Variants in BLOC1S5 observed in about 807,000 individuals in gnomAD.
The protein encoded by BLOC1S5 is biogenesis of lysosome-related organelles complex 1 subunit 5.
BLOC1S5 carries 27 observed loss-of-function variants against 24.3 expected under a neutral mutation model. The ratio of observed to expected loss-of-function variants is 1.11; its 90% CI spans 0.82 to 1.53. The LOEUF (loss-of-function observed/expected upper bound fraction) is 1.53. BLOC1S5 is among the 40% of genes most tolerant of loss of function. The pLI is 0.00. For synonymous variants in BLOC1S5, 84 were observed against 74.5 expected, an observed-to-expected ratio of 1.13 and a Z score of -0.66; for missense variants, 239 against 229.4, an observed-to-expected ratio of 1.04 and a Z score of -0.27.
chr6:8,041,124 G>A lies in BLOC1S5; in HGVS notation c.325+15C>T, dbSNP rs779294180. The stretch of plus-strand genomic sequence containing the variant: ...TTTGAAATGAAAAGCAATTAAAAAA[G>A]AATTGCTGACTCACATCTCTGGAGA... On this transcript the variant is annotated intron_variant, in intron 3 of 4. Coordinates refer to ENST00000397457, the MANE Select transcript of BLOC1S5 (RefSeq NM_201280.3). 1 of 1,561,208 alleles carries A rather than the reference G, an allele frequency of 6.4e-7. No homozygotes were observed. The highest frequency in any genetic ancestry group is 2.0e-5 in the Admixed American group (1 of 50,220).
chr6:8,016,315 G>C (rs1762732254), intron 4 of BLOC1S5, among the ~76,000 whole-genome samples: 1 of 146,506 alleles, frequency 6.8e-6, no homozygotes, highest in South Asian at 2.1e-4. Context: ...GACAGAGTGA[G>C]ACTCCGTCTC....
At chr6:8,053,049 C>T (rs2113593420) in intron 2 of BLOC1S5, among the ~76,000 whole-genome samples, 1 of 152,300 alleles carries the variant, frequency 6.6e-6, no homozygotes, top group South Asian at 2.1e-4. Context: ...GGCCAATTAA[C>T]AACCCTACAA....
intron 3 of BLOC1S5, among the ~76,000 whole-genome samples, chr6:8,028,848 A>G (rs948883742): frequency 6.6e-6 from 1 of 152,140 alleles, no homozygotes; most frequent in African/African-American, 2.4e-5. Context: ...ACAATTAGTG[A>G]CACCAAGAAG....
At chr6:8,037,810 A>G (rs1763537305) in intron 3 of BLOC1S5, among the ~76,000 whole-genome samples, 1 of 152,192 alleles carries the variant, frequency 6.6e-6, no homozygotes, top group Admixed American at 6.5e-5. Flanking sequence ...TCAATAACCC[A>G]GATATAAACT....
intron 2 of BLOC1S5, chr6:8,054,135 A>G (rs1200396751): frequency 2.9e-6 from 1 of 348,228 alleles, no homozygotes; most frequent in Admixed American, 4.2e-5. Flanking sequence ...AGCAATATTA[A>G]TATTAGGTGA....
intron 1 of BLOC1S5, 94 bp from the exon 2 acceptor site, chr6:8,062,710 G>A: frequency 3.7e-6 from 3 of 806,344 alleles, no homozygotes; most frequent in Non-Finnish European, 5.8e-6. Flanking sequence ...AAGAGATGAA[G>A]GTTAAAATCC....
chr6:8,025,062 T>C (rs1763060905), intron 4 of BLOC1S5, among the ~76,000 whole-genome samples: 1 of 152,248 alleles, frequency 6.6e-6, no homozygotes, highest in Admixed American at 6.5e-5. Context: ...AAGTTCCTTC[T>C]GCTCAAGGTC....
chr6:8,045,670 G>T (rs1421902268), intron 2 of BLOC1S5, among the ~76,000 whole-genome samples: 1 of 152,236 alleles, frequency 6.6e-6, no homozygotes. Context: ...GCCTGAATGT[G>T]AGACCTGGAG....
chr6:8,046,002 G>A (rs911672139), intron 2 of BLOC1S5, among the ~76,000 whole-genome samples: 33 of 152,266 alleles, frequency 2.2e-4, no homozygotes, highest in Admixed American at 1.5e-3. Flanking sequence ...GAGATTTGGA[G>A]GGGCCAAAGG....
chr6:8,043,276 GTAGAGAAAACTAGCAACATGATAC>G (rs1763754624), intron 2 of BLOC1S5, among the ~76,000 whole-genome samples: 1 of 152,162 alleles, frequency 6.6e-6, no homozygotes, highest in African/African-American at 2.4e-5. Flanking sequence ...TAACATTATA[GTAGAGAAAACTAGCAACATGATAC>G]TAGAGAAAAC....
chr6:8,016,739 ACCTGTGATCCCAGGG>A (rs1762750138), intron 4 of BLOC1S5, among the ~76,000 whole-genome samples: 2 of 151,818 alleles, frequency 1.3e-5, no homozygotes, highest in Admixed American at 1.3e-4. Flanking sequence ...GGTGGCGTGC[ACCTGTGATCCCAGGG>A]CCTGTGATCC....
In BLOC1S5 at chr6:8,014,835, T is replaced by C. The variant is rs1762682589; in HGVS notation, c.*814A>G. 2 of 152,616 alleles carry C rather than the reference T, an allele frequency of 1.3e-5. No homozygotes were observed. Among genetic ancestry groups the C allele is most frequent in the South Asian group, 2.1e-4 (1 of 4,832 alleles). The allele number at this position is 152,616 out of a possible 1,614,324, so 9.5% of individuals were successfully genotyped here. A position where few individuals can be genotyped will look rare whatever the true frequency, so the allele number is the denominator to read the frequency against. ...AAACATGTATAGACATTATTTATCT[T>C]ATAAAGCTTACCCACAGCAAAACAG... On this transcript the variant is annotated 3_prime_UTR_variant, in exon 5 of 5. Transcript: ENST00000397457.
At chr6:8,045,363 C>T (rs12211809) in intron 2 of BLOC1S5, among the ~76,000 whole-genome samples, 23,812 of 152,214 alleles carry the variant, frequency 0.16, 1,942 homozygotes, top group Admixed American at 0.19. Flanking sequence ...AAGTTTGCTG[C>T]AGGAGTGGGG....
intron 2 of BLOC1S5, among the ~76,000 whole-genome samples, chr6:8,056,496 G>A (rs914072579): frequency 6.6e-6 from 1 of 151,962 alleles, no homozygotes; most frequent in Non-Finnish European, 1.5e-5. Context: ...ATAAAACTAT[G>A]CCCCCGCCAC....
intron 4 of BLOC1S5, among the ~76,000 whole-genome samples, chr6:8,021,807 G>A (rs1483089467): frequency 6.6e-6 from 1 of 152,012 alleles, no homozygotes; most frequent in Non-Finnish European, 1.5e-5. Context: ...GAAATCAATT[G>A]CACTCTTCAA....
At chr6:8,053,036 T>A (rs1021237142) in intron 2 of BLOC1S5, among the ~76,000 whole-genome samples, 1 of 152,080 alleles carries the variant, frequency 6.6e-6, no homozygotes, top group South Asian at 2.1e-4. Flanking sequence ...CCTGGTGAAA[T>A]TAGGCCAATT....
At chr6:8,052,903 A>G (rs1417015833) in intron 2 of BLOC1S5, among the ~76,000 whole-genome samples, 1 of 150,612 alleles carries the variant, frequency 6.6e-6, no homozygotes, top group African/African-American at 2.5e-5. Context: ...GTCAAAAAAA[A>G]AAAAAAGAAG....
chr6:8,045,019 G>T (rs2113572330), intron 2 of BLOC1S5, among the ~76,000 whole-genome samples: 1 of 152,356 alleles, frequency 6.6e-6, no homozygotes, highest in Non-Finnish European at 1.5e-5. Context: ...AGACAATGGG[G>T]AAAATGTCTC....
chr6:8,014,633 T>C lies in BLOC1S5; in HGVS notation c.*1016A>G, dbSNP rs534823864. On this transcript the variant is annotated 3_prime_UTR_variant, in exon 5 of 5. Transcript: ENST00000397457. ...TCACAGTGATGACAGAACTGGTACA[T>C]GTTTCATCATAATATACCTGCTTAT... 15 of 152,300 alleles carry C rather than the reference T, an allele frequency of 9.8e-5. No individual in the cohort carries two copies. The highest frequency in any genetic ancestry group is 3.4e-4 in the African/African-American group (14 of 41,558). 9.4% of individuals were successfully genotyped at this position (152,300 alleles called of 1,614,324 possible). A position where few individuals can be genotyped will look rare whatever the true frequency, so the allele number is the denominator to read the frequency against.
Sources: allele counts gnomAD v4.1 joint callset (sites outside exome capture counted in the v4.1 genomes callset), GRCh38; gene constraint gnomAD v4.1.1; transcripts MANE v1.5; gene names NCBI Gene and HGNC (gene_info 2026-07-23, HGNC 2026-07-21).